Variants in DAB2IP observed in about 807,000 individuals in gnomAD.
DAB2IP encodes disabled homolog 2-interacting protein.
DAB2IP carries 28 observed loss-of-function variants against 107.2 expected under a neutral mutation model. The observed-to-expected ratio is 0.26, with a 90% CI of 0.19 to 0.36. DAB2IP has a LOEUF of 0.36. DAB2IP is among the 10% of genes least tolerant of loss of function. DAB2IP has a pLI of 1.00. For synonymous variants in DAB2IP, 755 were observed against 706.4 expected, an observed-to-expected ratio of 1.07 and a Z score of -1.09; for missense variants, 1,400 against 1,644.7, an observed-to-expected ratio of 0.85 and a Z score of 2.57.
chr9:121,690,475 G>C (rs1165305369), intron 2 of DAB2IP, among the ~76,000 whole-genome samples: 2 of 152,162 alleles, frequency 1.3e-5, no homozygotes, highest in African/African-American at 4.8e-5. Flanking sequence ...AGCTGATGAG[G>C]TGTTTGTAGC....
intron 3 of DAB2IP, among the ~76,000 whole-genome samples, chr9:121,705,498 C>T (rs1205964809): frequency 1.3e-5 from 2 of 152,200 alleles, no homozygotes; most frequent in South Asian, 2.1e-4. Context: ...TTGTTATTAT[C>T]GTGTGTTTTC....
chr9:121,758,999 A>G lies in DAB2IP; in HGVS notation c.615+3A>G. On this transcript the variant is annotated splice_donor_region_variant and intron_variant, in intron 5 of 15. Coordinates refer to ENST00000408936, the Ensembl canonical transcript of DAB2IP. ...GGCGAGCGGTGCATCCCAACAAGGTAAGCCTGCGCCCCTCTCACCAAAGCA... is the reference window on the plus strand; with the variant it reads ...GGCGAGCGGTGCATCCCAACAAGGTGAGCCTGCGCCCCTCTCACCAAAGCA... The G allele has an allele frequency of 1.2e-6, 2 of 1,609,868 alleles. No individual in the cohort carries two copies. The highest frequency in any genetic ancestry group is 1.7e-5 in the Admixed American group (1 of 59,342).
chr9:121,758,752 A>G, intron 4 of DAB2IP, 146 bp from the exon 5 acceptor site: 1 of 683,710 alleles, frequency 1.5e-6, no homozygotes. Flanking sequence ...TAGAGGCGTC[A>G]TATGAGCCTT....
In DAB2IP at chr9:121,679,794, A is replaced by C. The variant is rs370009206; in HGVS notation, c.228+1013A>C. Among the ~76,000 whole-genome samples the C allele has an allele frequency of 3.4e-4, 51 of 152,192 alleles. 3 individuals carry two copies. The highest frequency in any genetic ancestry group is 3.3e-3 in the East Asian group (17 of 5,154). ...TCACAGTGGGTTGGGAGGGGGTCCC[A>C]CGGGAGCTGGCTTTTGAGCTGCATC... On this transcript the variant is annotated intron_variant, in intron 2 of 15. Transcript: ENST00000408936.
intron 2 of DAB2IP, among the ~76,000 whole-genome samples, chr9:121,692,212 A>G (rs112516548): frequency 4.6e-5 from 7 of 151,996 alleles, no homozygotes; most frequent in African/African-American, 7.3e-5. Context: ...GTACATGTGT[A>G]TATTTATTGG....
chr9:121,761,502 G>A (rs934488598), intron 6 of DAB2IP, among the ~76,000 whole-genome samples: 1 of 152,214 alleles, frequency 6.6e-6, no homozygotes, highest in Non-Finnish European at 1.5e-5. Flanking sequence ...ACTCGTGGAG[G>A]TCCCTCACCC....
intron 2 of DAB2IP, among the ~76,000 whole-genome samples, chr9:121,689,977 G>A (rs938431302): frequency 6.6e-6 from 1 of 152,220 alleles, no homozygotes; most frequent in African/African-American, 2.4e-5. Context: ...CAGCTCTGCC[G>A]CTTCCTGACC....
At chr9:121,640,331 G>A (rs775799524) in intron 1 of DAB2IP, among the ~76,000 whole-genome samples, 3 of 151,584 alleles carry the variant, frequency 2.0e-5, no homozygotes, top group Non-Finnish European at 2.9e-5. Context: ...GTGGGAAGAC[G>A]GGCCTGTGTG....
At chr9:121,577,527 G>A (rs1247153671) in intron 1 of DAB2IP, among the ~76,000 whole-genome samples, 2 of 152,212 alleles carry the variant, frequency 1.3e-5, no homozygotes, top group South Asian at 4.1e-4. Flanking sequence ...GTGAGGGCGT[G>A]GGGGGCCCAC....
In DAB2IP at chr9:121,782,062, CAT is replaced by C. The variant is rs1835697265; in HGVS notation, c.3403-268_3403-267del. Among the ~76,000 whole-genome samples the C allele has an allele frequency of 6.6e-6, 1 of 152,164 alleles. No individual in the cohort carries two copies. The highest frequency in any genetic ancestry group is 6.5e-5 in the Admixed American group (1 of 15,290). On this transcript the variant is annotated intron_variant, in intron 15 of 15. Coordinates refer to ENST00000408936, the Ensembl canonical transcript of DAB2IP. The surrounding 1 kb of genome is among the most constrained non-coding windows in gnomAD (Gnocchi z 6.1). ...TGACCTCTGGTGTGTCATGCACACA[CAT>C]GTGAGCAAGGGTGCCTGCCCTAGGG...
chr9:121,598,528 G>T (rs1482116220), intron 1 of DAB2IP: 2 of 152,284 alleles, frequency 1.3e-5, no homozygotes, highest in Admixed American at 1.3e-4. Context: ...TCCGAGATGG[G>T]AGCTGGCGGT....
rs527380191 is a variant in DAB2IP, at chr9:121,577,402, G to A, written c.40+10174G>A. ...AGCCGGTGACCTACATTCCCAGGGC[G>A]CCTCTGTGTGTGCGCACACGGGCAG... On this transcript the variant is annotated intron_variant, in intron 1 of 16. Coordinates refer to the DAB2IP transcript ENST00000259371. 2.0e-5 allele frequency among the ~76,000 whole-genome samples: 3 copies of A among 152,324 alleles called. No individual in the cohort carries two copies. In the South Asian group the frequency reaches 6.2e-4, roughly 32 times the overall value.
chr9:121,682,354 G>A (rs1260348169), intron 2 of DAB2IP, among the ~76,000 whole-genome samples: 1 of 152,210 alleles, frequency 6.6e-6, no homozygotes, highest in African/African-American at 2.4e-5. Context: ...CAGGCTGTCA[G>A]CATCTCTTAC....
chr9:121,686,651 C>T (rs949176970), intron 2 of DAB2IP, among the ~76,000 whole-genome samples: 7 of 152,184 alleles, frequency 4.6e-5, no homozygotes, highest in Non-Finnish European at 1.0e-4. Context: ...ATCTTGGCCA[C>T]TGCTCCCTTC....
chr9:121,700,254 C>T (rs959762893), intron 3 of DAB2IP, among the ~76,000 whole-genome samples: 6 of 151,874 alleles, frequency 4.0e-5, no homozygotes, highest in African/African-American at 1.4e-4. Flanking sequence ...GTGGTTCAAC[C>T]TGCCGGGAGA....
At chr9:121,671,120 C>T (rs1349341820) in intron 1 of DAB2IP, among the ~76,000 whole-genome samples, 1 of 152,132 alleles carries the variant, frequency 6.6e-6, no homozygotes, top group East Asian at 1.9e-4. Flanking sequence ...CACTGCACTG[C>T]AGCCTGGCAA....
At chr9:121,781,922 G>A (rs562194428) in intron 15 of DAB2IP, among the ~76,000 whole-genome samples, 3 of 152,292 alleles carry the variant, frequency 2.0e-5, no homozygotes, top group East Asian at 1.9e-4. Context: ...GAGGGGAGAC[G>A]TGAAAGGCTC....
At chr9:121,722,933 G>C (rs374624362) in intron 3 of DAB2IP, among the ~76,000 whole-genome samples, 1 of 152,168 alleles carries the variant, frequency 6.6e-6, no homozygotes. Context: ...CAAAAGCCAC[G>C]GTGGACTGTT....
intron 1 of DAB2IP, among the ~76,000 whole-genome samples, chr9:121,587,277 A>G (rs1328936383): frequency 6.6e-6 from 1 of 152,162 alleles, no homozygotes; most frequent in East Asian, 1.9e-4. Context: ...GCTTGAGGAA[A>G]AAACCCGGAG....
Sources: allele counts gnomAD v4.1 joint callset (sites outside exome capture counted in the v4.1 genomes callset), GRCh38; gene constraint gnomAD v4.1.1; non-coding constraint Gnocchi (gnomAD v3.1); transcripts MANE v1.5; gene names NCBI Gene and HGNC (gene_info 2026-07-23, HGNC 2026-07-21).